Variants in FRMD4A observed in about 807,000 individuals in gnomAD.
FRMD4A encodes FERM domain-containing protein 4A.
In FRMD4A, 29 loss-of-function variants were observed where a neutral mutation model predicts 129.1. The ratio of observed to expected loss-of-function variants is 0.22; its 90% CI spans 0.17 to 0.31. FRMD4A has a LOEUF of 0.31. FRMD4A is among the 10% of genes least tolerant of loss of function. The probability of loss-of-function intolerance (pLI) is 1.00; values close to 1 mark genes in which losing one functional copy is unlikely to be tolerated. For missense variants in FRMD4A, 1,272 were observed against 1,375.8 expected (o/e 0.92, Z 1.19); for synonymous variants, 634 against 571.6 (o/e 1.11, Z -1.56).
intron 9 of FRMD4A, among the ~76,000 whole-genome samples, chr10:13,741,219 A>G (rs554697232): frequency 6.6e-6 from 1 of 150,814 alleles, no homozygotes; most frequent in Non-Finnish European, 1.5e-5. Flanking sequence ...GGAGGCTGAC[A>G]TGGGGGGATT....
At chr10:14,094,497 C>G (rs1351033647) in intron 2 of FRMD4A, among the ~76,000 whole-genome samples, 1 of 152,164 alleles carries the variant, frequency 6.6e-6, no homozygotes, top group Non-Finnish European at 1.5e-5. Context: ...GCTGTAGTCT[C>G]CTTTCAAACG....
intron 12 of FRMD4A, among the ~76,000 whole-genome samples, chr10:13,737,095 T>C (rs374002499): frequency 6.6e-6 from 1 of 152,334 alleles, no homozygotes; most frequent in African/African-American, 2.4e-5. Flanking sequence ...TCAGCTTTTC[T>C]GTTTTTTGTT....
At chr10:14,272,468 G>T (rs556230454) in intron 2 of FRMD4A, among the ~76,000 whole-genome samples, 1 of 152,138 alleles carries the variant, frequency 6.6e-6, no homozygotes, top group Non-Finnish European at 1.5e-5. Flanking sequence ...CGAAATGGAG[G>T]TCAAAGTCAT....
At chr10:13,851,937 C>T (rs2094145649) in intron 3 of FRMD4A, among the ~76,000 whole-genome samples, 1 of 151,268 alleles carries the variant, frequency 6.6e-6, no homozygotes, top group African/African-American at 2.4e-5. Flanking sequence ...ATGCCTGATG[C>T]CCATCACTCA....
chr10:14,148,582 T>C (rs1432504338), intron 2 of FRMD4A, among the ~76,000 whole-genome samples: 2 of 152,214 alleles, frequency 1.3e-5, no homozygotes, highest in East Asian at 3.9e-4. Context: ...GCCAACATGG[T>C]GAAACCCTGT....
chr10:14,080,883 G>A (rs899940609), intron 2 of FRMD4A, among the ~76,000 whole-genome samples: 1 of 151,576 alleles, frequency 6.6e-6, no homozygotes, highest in Non-Finnish European at 1.5e-5. Flanking sequence ...TAGAAGACAG[G>A]CTTCAAGAAA....
intron 2 of FRMD4A, among the ~76,000 whole-genome samples, chr10:14,199,932 T>G (rs761659715): frequency 1.5e-4 from 22 of 150,788 alleles, no homozygotes; most frequent in African/African-American, 5.3e-4. Context: ...TATATATTTA[T>G]GGGGCACATG....
At chr10:14,145,580 C>T (rs559857586) in intron 2 of FRMD4A, among the ~76,000 whole-genome samples, 153 of 152,226 alleles carry the variant, frequency 1.0e-3, no homozygotes, top group Middle Eastern at 3.4e-3. Context: ...AAGGTGATTT[C>T]GCAGATATTA....
intron 12 of FRMD4A, among the ~76,000 whole-genome samples, chr10:13,733,441 G>GTTT (rs11427665): frequency 3.3e-5 from 5 of 150,166 alleles, no homozygotes; most frequent in Admixed American, 2.0e-4. Context: ...CAAAGGCCTG[G>GTTT]TTTTTTTTTT....
chr10:13,828,611 C>A (rs944020135), intron 3 of FRMD4A, among the ~76,000 whole-genome samples: 26 of 151,238 alleles, frequency 1.7e-4, no homozygotes, highest in African/African-American at 5.8e-4. Flanking sequence ...TGGCTCACTG[C>A]AACCTCCGCC....
At chr10:13,693,027 CTAAT>C (rs57319355) in intron 15 of FRMD4A, 37,295 of 87,360 alleles carry the variant, frequency 0.43, 5,336 homozygotes, top group East Asian at 0.57. Context: ...CCACACCTGG[CTAAT>C]TAATTTTTTT....
chr10:14,201,823 C>T (rs2131940638), intron 2 of FRMD4A, among the ~76,000 whole-genome samples: 1 of 152,260 alleles, frequency 6.6e-6, no homozygotes, highest in East Asian at 1.9e-4. Context: ...AAAGGAAGAC[C>T]TTCGTGTCTT....
intron 2 of FRMD4A, among the ~76,000 whole-genome samples, chr10:14,140,826 A>G (rs1263188214): frequency 6.6e-6 from 1 of 152,156 alleles, no homozygotes; most frequent in African/African-American, 2.4e-5. Context: ...CATTTGTTAC[A>G]GAAAAGGTCT....
chr10:14,090,416 G>A (rs1836593433), intron 2 of FRMD4A, among the ~76,000 whole-genome samples: 1 of 152,214 alleles, frequency 6.6e-6, no homozygotes, highest in African/African-American at 2.4e-5. Flanking sequence ...GGGCACTGCA[G>A]AGCTGCAGGA....
At chr10:14,169,819 A>T (rs1299837919) in intron 2 of FRMD4A, among the ~76,000 whole-genome samples, 1 of 152,202 alleles carries the variant, frequency 6.6e-6, no homozygotes, top group Non-Finnish European at 1.5e-5. Context: ...ATAGGCTGTC[A>T]TAGGCTTGGG....
intron 2 of FRMD4A, among the ~76,000 whole-genome samples, chr10:14,141,874 G>T (rs1839852712): frequency 6.6e-6 from 1 of 152,154 alleles, no homozygotes; most frequent in East Asian, 1.9e-4. Context: ...CATTACAGCT[G>T]CTTGTATCTT....
intron 2 of FRMD4A, among the ~76,000 whole-genome samples, chr10:14,045,221 T>C (rs899373232): frequency 2.0e-5 from 3 of 150,948 alleles, no homozygotes; most frequent in East Asian, 1.9e-4. Context: ...CATGACTTCA[T>C]GTGACTTACA....
intron 18 of FRMD4A, among the ~76,000 whole-genome samples, chr10:13,665,710 C>A (rs2082975773): frequency 6.6e-6 from 1 of 152,272 alleles, no homozygotes; most frequent in African/African-American, 2.4e-5. Flanking sequence ...CTGCTGTGTA[C>A]CCCAGCCCCA....
In FRMD4A at chr10:13,693,895, T is replaced by C. The variant is rs1374759467; in HGVS notation, c.1117+3A>G. 2.5e-6 allele frequency: 4 copies of C among 1,609,572 alleles called. No individual in the cohort carries two copies. ...GGCGTCCCTCCAGCTGGCCTCTGCC[T>C]ACCTGAAGACAGCAGGCTGCCGCTG... On this transcript the variant is annotated splice_donor_region_variant and intron_variant, in intron 15 of 24. Coordinates refer to ENST00000357447, the MANE Select transcript of FRMD4A (RefSeq NM_018027.5).
Sources: allele counts gnomAD v4.1 joint callset (sites outside exome capture counted in the v4.1 genomes callset), GRCh38; gene constraint gnomAD v4.1.1; transcripts MANE v1.5; gene names NCBI Gene and HGNC (gene_info 2026-07-23, HGNC 2026-07-21).